The following NCALD variants were observed in gnomAD, a reference collection of about 807,000 sequenced individuals.
The protein encoded by NCALD is neurocalcin delta.
Under a neutral mutation model 18.6 loss-of-function variants are expected in NCALD, and 10 were observed. The observed-to-expected ratio is 0.54, with a 90% CI of 0.33 to 0.91. The LOEUF is 0.91. NCALD is among the 40% of genes least tolerant of loss of function. NCALD has a pLI of 0.03. For synonymous variants in NCALD, 88 were observed against 87.4 expected, an observed-to-expected ratio of 1.01 and a Z score of -0.04; for missense variants, 184 against 247.6, an observed-to-expected ratio of 0.74 and a Z score of 1.72.
In NCALD at chr8:102,060,083, C is replaced by T. The variant is rs565909494; in HGVS notation, c.-209-39794G>A. On this transcript the variant is annotated intron_variant, in intron 1 of 6. Coordinates refer to the NCALD transcript ENST00000311028. ...GCAAGCTTCGCCTCCCAGGTTCAAGCGATTCTCCTGCCTCAGCCTCCCGAG... is the reference window on the plus strand; with the variant it reads ...GCAAGCTTCGCCTCCCAGGTTCAAGTGATTCTCCTGCCTCAGCCTCCCGAG... Among the ~76,000 whole-genome samples the T allele has an allele frequency of 4.0e-3, 614 of 152,268 alleles. 5 individuals carry two copies. The highest frequency in any genetic ancestry group is 8.4e-3 in the Admixed American group (129 of 15,296).
chr8:101,712,587 C>CAAAAAAAAAAAA (rs201729096), intron 2 of NCALD, among the ~76,000 whole-genome samples: 56 of 78,874 alleles, frequency 7.1e-4, no homozygotes, highest in Non-Finnish European at 1.0e-3. Flanking sequence ...AAATGGAAAG[C>CAAAAAAAAAAAA]AAAAAAAAAA....
chr8:101,999,750 A>T (rs1039084045), intron 2 of NCALD, among the ~76,000 whole-genome samples: 2 of 152,316 alleles, frequency 1.3e-5, no homozygotes, highest in African/African-American at 4.8e-5. Flanking sequence ...CTCTAAAAAT[A>T]AAATAATAAC....
chr8:102,008,813 G>C (rs1358557418), intron 2 of NCALD, among the ~76,000 whole-genome samples: 3 of 152,044 alleles, frequency 2.0e-5, no homozygotes, highest in Non-Finnish European at 2.9e-5. Flanking sequence ...TTCCTTGTAA[G>C]GGCCCCTAGG....
chr8:101,970,534 C>T (rs952139318), intron 2 of NCALD, among the ~76,000 whole-genome samples: 11 of 152,114 alleles, frequency 7.2e-5, no homozygotes, highest in Non-Finnish European at 1.6e-4. Flanking sequence ...TTTGGTTGTA[C>T]AGGCTAACTA....
At chr8:101,794,099 T>A (rs1357952737), upstream of NCALD, among the ~76,000 whole-genome samples, 1 of 152,236 alleles carries the variant, frequency 6.6e-6, no homozygotes. Flanking sequence ...ACCTACATCT[T>A]AAGGTTGTTT....
chr8:102,026,285 C>T (rs769764481), intron 1 of NCALD, among the ~76,000 whole-genome samples: 15 of 152,170 alleles, frequency 9.9e-5, no homozygotes, highest in Non-Finnish European at 2.2e-4. Context: ...AGTCCAAAGT[C>T]TCATCTGAGA....
At position 101,705,224 on chromosome 8, in the gene NCALD, A is replaced by AAAATAAATAAATAAATAAATAAATAAAT. The variant is rs548716899; in HGVS notation, c.379-12329_379-12328insATTTATTTATTTATTTATTTATTTATTT. On this transcript the variant is annotated intron_variant, in intron 2 of 3. Transcript: ENST00000220931. ...GGGCAGCAGAGCAAGACTTCATCTC[A>AAAATAAATAAATAAATAAATAAATAAAT]AAATAAATAAATAAATAAATAAAAT... Among the ~76,000 whole-genome samples the AAAATAAATAAATAAATAAATAAATAAAT allele has an allele frequency of 4.9e-3, 744 of 151,644 alleles. 3 individuals carry two copies. Among genetic ancestry groups the AAAATAAATAAATAAATAAATAAATAAAT allele is most frequent in the East Asian group, 0.044 (227 of 5,162 alleles).
intron 1 of NCALD, among the ~76,000 whole-genome samples, chr8:101,783,825 C>A (rs896101022): frequency 6.6e-6 from 1 of 152,138 alleles, no homozygotes; most frequent in African/African-American, 2.4e-5. Flanking sequence ...GACATTGTTC[C>A]AAATTTCCAA....
At chr8:101,933,363 T>C (rs9642974) in intron 2 of NCALD, among the ~76,000 whole-genome samples, 6,273 of 152,214 alleles carry the variant, frequency 0.041, 305 homozygotes, top group African/African-American at 0.11. Flanking sequence ...ATTGGCAGGA[T>C]GCAGCCAGGA....
chr8:102,034,243 TA>T (rs1299337143), intron 1 of NCALD, among the ~76,000 whole-genome samples: 1 of 152,202 alleles, frequency 6.6e-6, no homozygotes, highest in Non-Finnish European at 1.5e-5. Flanking sequence ...AGTTACATGA[TA>T]AATGAGATTT....
At chr8:101,983,141 T>C (rs1343206426) in intron 2 of NCALD, among the ~76,000 whole-genome samples, 1 of 152,168 alleles carries the variant, frequency 6.6e-6, no homozygotes, top group African/African-American at 2.4e-5. Flanking sequence ...TCCTCCCTTT[T>C]GAGCACATTT....
At chr8:101,690,309 G>A in intron 3 of NCALD, 2 of 984,466 alleles carry the variant, frequency 2.0e-6, no homozygotes, top group Non-Finnish European at 2.4e-6. Flanking sequence ...GAAGTGACAT[G>A]CTCGATTGGT....
intron 4 of NCALD, among the ~76,000 whole-genome samples, chr8:101,837,185 G>T (rs936608550): frequency 2.0e-5 from 3 of 152,016 alleles, no homozygotes; most frequent in African/African-American, 7.3e-5. Flanking sequence ...TTCTCATTAG[G>T]AACCTAAATC....
At chr8:101,963,471 G>A (rs973057953) in intron 2 of NCALD, among the ~76,000 whole-genome samples, 6 of 152,080 alleles carry the variant, frequency 3.9e-5, no homozygotes, top group African/African-American at 1.4e-4. Flanking sequence ...AAGGAAGCAT[G>A]TGACTCCAGT....
chr8:101,844,816 C>A (rs1021788464), intron 4 of NCALD, among the ~76,000 whole-genome samples: 2 of 152,124 alleles, frequency 1.3e-5, no homozygotes, highest in African/African-American at 2.4e-5. Flanking sequence ...TCTCTTTGCA[C>A]CTTTTATTCC....
chr8:101,733,944 T>C (rs2130618453), intron 1 of NCALD, among the ~76,000 whole-genome samples: 1 of 152,356 alleles, frequency 6.6e-6, no homozygotes, highest in South Asian at 2.1e-4. Flanking sequence ...TTGTTGTCTT[T>C]TTTCCTGGGG....
At chr8:101,782,106 TAA>T (rs1812040346) in intron 1 of NCALD, among the ~76,000 whole-genome samples, 1 of 148,030 alleles carries the variant, frequency 6.8e-6, no homozygotes, top group Non-Finnish European at 1.5e-5. Flanking sequence ...AATATACATA[TAA>T]TATATATTTA....
chr8:101,761,203 C>CA (rs946065654), intron 1 of NCALD, among the ~76,000 whole-genome samples: 1 of 152,150 alleles, frequency 6.6e-6, no homozygotes, highest in Non-Finnish European at 1.5e-5. Flanking sequence ...TGTGGGATGC[C>CA]ATGAAAACAC....
chr8:101,734,671 T>C (rs2130626247), intron 1 of NCALD, among the ~76,000 whole-genome samples: 1 of 152,316 alleles, frequency 6.6e-6, no homozygotes, highest in East Asian at 1.9e-4. Context: ...TTGCAAGGGA[T>C]ATATTCCCTA....
Sources: gnomAD v4.1 joint callset for allele counts (sites outside exome capture counted in the v4.1 genomes callset) on GRCh38, gnomAD v4.1.1 for gene constraint, MANE v1.5 for transcripts, NCBI Gene and HGNC (gene_info 2026-07-23, HGNC 2026-07-21) for gene names.